Variants in VTI1A observed in about 807,000 individuals in gnomAD.
VTI1A encodes the protein vesicle transport through interaction with t-SNAREs 1A, also known as vesicle transport through interaction with t-SNAREs homolog 1A.
Under a neutral mutation model 34.9 loss-of-function variants are expected in VTI1A, and 22 were observed. The observed-to-expected ratio is 0.63, with a 90% CI of 0.45 to 0.90. VTI1A has a LOEUF of 0.90. VTI1A is among the 40% of genes least tolerant of loss of function. The pLI, the probability that VTI1A is intolerant of heterozygous loss-of-function variation, is 0.00. For synonymous variants in VTI1A, 87 were observed against 97.3 expected, an observed-to-expected ratio of 0.89 and a Z score of 0.62; for missense variants, 268 against 275.6, an observed-to-expected ratio of 0.97 and a Z score of 0.20.
chr10:112,569,254 G>C (rs1313121095), intron 5 of VTI1A, among the ~76,000 whole-genome samples: 1 of 152,050 alleles, frequency 6.6e-6, no homozygotes, highest in Non-Finnish European at 1.5e-5. Flanking sequence ...GCGGACAACT[G>C]TTTGTTGCCT....
At chr10:112,575,708 G>T (rs1164639305) in intron 5 of VTI1A, among the ~76,000 whole-genome samples, 2 of 152,110 alleles carry the variant, frequency 1.3e-5, no homozygotes, top group African/African-American at 4.8e-5. Flanking sequence ...TAACTTGAAG[G>T]ATGGCACTAT....
chr10:112,652,726 C>CAAAAAAAAAAAAAAAA (rs779424975), intron 5 of VTI1A, among the ~76,000 whole-genome samples: 8 of 106,410 alleles, frequency 7.5e-5, no homozygotes, highest in Admixed American at 2.2e-4. Flanking sequence ...GACCTTGTCT[C>CAAAAAAAAAAAAAAAA]AAAAAAAAAA....
chr10:112,814,868 A>C (rs36064961), intron 7 of VTI1A, among the ~76,000 whole-genome samples: 46,095 of 151,976 alleles, frequency 0.3, 7,502 homozygotes, highest in Non-Finnish European at 0.34. Flanking sequence ...TACATTGCTG[A>C]CATGTGTTTC....
At chr10:112,490,362 C>G (rs922701122) in intron 3 of VTI1A, among the ~76,000 whole-genome samples, 2 of 152,102 alleles carry the variant, frequency 1.3e-5, no homozygotes, top group African/African-American at 4.8e-5. Context: ...TTAATAAATA[C>G]GACATTTTTC....
At chr10:112,737,784 AT>A in intron 7 of VTI1A, 1 of 1,058,880 alleles carries the variant, frequency 9.4e-7, no homozygotes, top group Non-Finnish European at 1.1e-6. Flanking sequence ...AAAAAAAAAA[AT>A]TACAAATTGA....
chr10:112,539,341 T>C (rs1850772901), intron 5 of VTI1A, among the ~76,000 whole-genome samples: 1 of 152,236 alleles, frequency 6.6e-6, no homozygotes, highest in African/African-American at 2.4e-5. Context: ...TGTCCTGTGT[T>C]CATGGCTGCC....
chr10:112,621,896 CTT>C (rs1287520091), intron 5 of VTI1A, among the ~76,000 whole-genome samples: 1 of 152,176 alleles, frequency 6.6e-6, no homozygotes, highest in African/African-American at 2.4e-5. Flanking sequence ...GCAAGGTACT[CTT>C]AGTAGTTGCA....
chr10:112,541,265 A>G (rs1034043391), intron 5 of VTI1A, among the ~76,000 whole-genome samples: 1 of 152,218 alleles, frequency 6.6e-6, no homozygotes, highest in Non-Finnish European at 1.5e-5. Flanking sequence ...GAAAAACCAC[A>G]TCATCTGTCC....
At chr10:112,764,128 C>T (rs138415766) in intron 7 of VTI1A, among the ~76,000 whole-genome samples, 392 of 152,276 alleles carry the variant, frequency 2.6e-3, no homozygotes, top group Non-Finnish European at 4.4e-3. Context: ...ATGAGGATGG[C>T]GGCCCCCATT....
At chr10:112,644,304 G>C (rs142060981) in intron 5 of VTI1A, among the ~76,000 whole-genome samples, 2 of 152,166 alleles carry the variant, frequency 1.3e-5, no homozygotes, top group Non-Finnish European at 2.9e-5. Context: ...TGACAATTTT[G>C]TTGTAGTTCC....
rs1564935093 is a variant in VTI1A, at chr10:112,811,710, A to AAAAAAG, written c.561-3578_561-3577insAAAGAA. Among the ~76,000 whole-genome samples, 7 of 15,284 alleles carry AAAAAAG rather than the reference A, an allele frequency of 4.6e-4. 2 individuals carry two copies. The highest frequency in any genetic ancestry group is 1.4e-3 in the African/African-American group (5 of 3,678). 10.0% of individuals were successfully genotyped at this position (15,284 alleles called of 152,430 possible). On this transcript the variant is annotated intron_variant, in intron 7 of 7. Transcript: ENST00000393077. ...AAAAAAAAAAAAAAAAAAAAAAAAA[A>AAAAAAG]AAGAGTGCAGTCCATGCCTGGAAGT...
the VTI1A span, among the ~76,000 whole-genome samples, chr10:112,830,877 T>G: frequency 7.8e-6 from 1 of 128,864 alleles, no homozygotes; most frequent in African/African-American, 2.9e-5. Context: ...GTAGACAGGG[T>G]CTCACTCAGT....
rs367766621 is a variant in VTI1A, at chr10:112,726,091, C to T, written c.560+57093C>T. 8.5e-5 allele frequency among the ~76,000 whole-genome samples: 13 copies of T among 152,144 alleles called. No individual in the cohort carries two copies. The South Asian group carries it at 1.0e-3, about 12-fold the overall frequency. On this transcript the variant is annotated intron_variant, in intron 7 of 7. Coordinates refer to ENST00000393077, the MANE Select transcript of VTI1A (RefSeq NM_145206.4). ...GGTTATGTTTATGTTGGAGTGGTAA[C>T]GCAGTCTTCCTTGGTATCTCATCGT...
rs1848377092 is a variant in VTI1A at position 112,685,655 on chromosome 10, G to A, written c.560+16657G>A. On this transcript the variant is annotated intron_variant, in intron 7 of 7. Transcript: ENST00000393077. ...CATTCTTTCTCAGAATCTTTAGGAT[G>A]TTGTTGTTTTTTTCCCCCCTTGTTC... Among the ~76,000 whole-genome samples the A allele has an allele frequency of 2.2e-5, 3 of 134,936 alleles. No homozygotes were observed. The Admixed American group carries it at 2.3e-4, about 10-fold the overall frequency. The allele number at this position is 134,936 out of a possible 152,430, so 88.5% of individuals were successfully genotyped here.
At chr10:112,702,022 G>C (rs1849025493) in intron 7 of VTI1A, among the ~76,000 whole-genome samples, 1 of 152,138 alleles carries the variant, frequency 6.6e-6, no homozygotes, top group African/African-American at 2.4e-5. Context: ...AGTGAGAAAG[G>C]AAAAGGGAAC....
At chr10:112,770,078 C>A (rs567075085) in intron 7 of VTI1A, among the ~76,000 whole-genome samples, 3 of 151,546 alleles carry the variant, frequency 2.0e-5, no homozygotes, top group Non-Finnish European at 2.9e-5. Flanking sequence ...AATTTCAAAC[C>A]GAGCAGGCCA....
chr10:112,727,938 C>T (rs34943800), intron 7 of VTI1A, among the ~76,000 whole-genome samples: 27,770 of 151,946 alleles, frequency 0.18, 2,715 homozygotes, highest in Middle Eastern at 0.24. Flanking sequence ...GCCTGAGGAC[C>T]GACCAACTTA....
rs531982743 is a variant in VTI1A at position 112,480,518 on chromosome 10, G to T, written c.264+15861G>T. 1.2e-4 allele frequency among the ~76,000 whole-genome samples: 19 copies of T among 152,264 alleles called. No individual in the cohort carries two copies. The South Asian group carries it at 3.7e-3, about 30-fold the overall frequency. Reference sequence around the variant, plus strand: ...GGAGGGTCATTCAACCCATATGTGTGTGTGTGCATGTGCATGTGCATGTGC... The same window carrying T: ...GGAGGGTCATTCAACCCATATGTGTTTGTGTGCATGTGCATGTGCATGTGC... On this transcript the variant is annotated intron_variant, in intron 3 of 7. Coordinates refer to ENST00000393077, the MANE Select transcript of VTI1A (RefSeq NM_145206.4).
chr10:112,463,195 GATT>G (rs1847786838), intron 2 of VTI1A, among the ~76,000 whole-genome samples: 2 of 152,114 alleles, frequency 1.3e-5, no homozygotes, highest in Non-Finnish European at 2.9e-5. Flanking sequence ...GAAGTGCTGG[GATT>G]ACAGGGGTGA....
Sources: allele counts gnomAD v4.1 joint callset (sites outside exome capture counted in the v4.1 genomes callset), GRCh38; gene constraint gnomAD v4.1.1; transcripts MANE v1.5; gene names NCBI Gene and HGNC (gene_info 2026-07-23, HGNC 2026-07-21).